PBLD: variants seen among roughly 807,000 people sequenced by gnomAD.
The protein encoded by PBLD is phenazine biosynthesis-like domain-containing protein.
A neutral mutation model predicts 31.3 loss-of-function variants in PBLD; 26 were observed. The ratio of observed to expected loss-of-function variants is 0.83; its 90% CI spans 0.61 to 1.15. PBLD has a LOEUF of 1.15. Ranked by LOEUF, PBLD falls within the 50% of genes most tolerant of loss-of-function variation. The pLI, the probability that PBLD is intolerant of heterozygous loss-of-function variation, is 0.00. For missense variants in PBLD, 307 were observed against 351.7 expected (o/e 0.87, Z 1.02); for synonymous variants, 114 against 129.0 (o/e 0.88, Z 0.79).
rs755499603 is a variant in PBLD at position 68,291,994 on chromosome 10, G to T, written c.423+16C>A. 1 of 1,575,876 alleles carries T rather than the reference G, an allele frequency of 6.3e-7. No individual in the cohort carries two copies. Among genetic ancestry groups the T allele is most frequent in the Non-Finnish European group, 8.7e-7 (1 of 1,145,480 alleles). On this transcript the variant is annotated intron_variant, in intron 6 of 9. Transcript: ENST00000358769. ...ATAACAAATAACTAGGCTCAGGTTT[G>T]ATTCTTTTTACCAACCTTTATCAAG...
chr10:68,287,300 A>AAAAC lies in PBLD; in HGVS notation c.691+1179_691+1182dup, dbSNP rs563362626. 1,418 of 152,316 alleles carry AAAAC rather than the reference A, an allele frequency of 9.3e-3. 13 individuals are homozygous for AAAAC. The highest frequency in any genetic ancestry group is 0.014 in the Non-Finnish European group (921 of 68,124). 9.4% of individuals were successfully genotyped at this position (152,316 alleles called of 1,614,324 possible). ...ATACTCTAGAAAAGCATTACGGGGA[A>AAAAC]AAACAAACAAACAAACAAACAAACA... On this transcript the variant is annotated intron_variant, in intron 8 of 9. Coordinates refer to ENST00000358769, the MANE Select transcript of PBLD (RefSeq NM_022129.4).
At chr10:68,327,019 T>G (rs1372199587) in intron 1 of PBLD, among the ~76,000 whole-genome samples, 1 of 151,654 alleles carries the variant, frequency 6.6e-6, no homozygotes, top group South Asian at 2.1e-4. Flanking sequence ...TGCACTCCAG[T>G]CTGGCGACAG....
chr10:68,296,220 A>C, intron 4 of PBLD, 46 bp downstream of exon 4: 2 of 1,436,260 alleles, frequency 1.4e-6, no homozygotes, highest in Non-Finnish European at 1.9e-6. Flanking sequence ...TAAAAAAAAA[A>C]AAGCCATTTG....
chr10:68,291,707 T>C (rs1221547706), intron 6 of PBLD, among the ~76,000 whole-genome samples: 1 of 152,164 alleles, frequency 6.6e-6, no homozygotes, highest in Admixed American at 6.5e-5. Context: ...GAAACTTACA[T>C]TTCCTTAAGA....
intron 8 of PBLD, among the ~76,000 whole-genome samples, chr10:68,285,922 C>T (rs2044281558): frequency 6.6e-6 from 1 of 151,944 alleles, no homozygotes; most frequent in Non-Finnish European, 1.5e-5. Context: ...CTCAAGAGAT[C>T]CACCTGCCTC....
chr10:68,286,869 G>A (rs2044294420), intron 8 of PBLD, among the ~76,000 whole-genome samples: 1 of 28,430 alleles, frequency 3.5e-5, no homozygotes. Context: ...GTTATGGGGT[G>A]GGCGTCCCAG....
At chr10:68,328,676 T>C (rs756241488) in intron 1 of PBLD, among the ~76,000 whole-genome samples, 2 of 152,184 alleles carry the variant, frequency 1.3e-5, no homozygotes, top group Non-Finnish European at 2.9e-5. Context: ...ACCATCTCTA[T>C]GGAAACAATT....
chr10:68,316,791 TTG>T, intron 1 of PBLD, among the ~76,000 whole-genome samples: 1 of 152,090 alleles, frequency 6.6e-6, no homozygotes, highest in African/African-American at 2.4e-5. Flanking sequence ...GGAGGGCAGA[TTG>T]CCTGAGCTCA....
chr10:68,300,831 G>A (rs1386530257), intron 2 of PBLD, among the ~76,000 whole-genome samples: 2 of 152,004 alleles, frequency 1.3e-5, no homozygotes, highest in South Asian at 2.1e-4. Context: ...ACAGAAAAGT[G>A]TGTGCAAAGA....
intron 1 of PBLD, among the ~76,000 whole-genome samples, chr10:68,323,980 A>G (rs187058930): frequency 3.3e-5 from 5 of 152,334 alleles, no homozygotes; most frequent in African/African-American, 1.2e-4. Flanking sequence ...TCACTCGGAC[A>G]GTACATGGCA....
chr10:68,294,289 T>G lies in PBLD; in HGVS notation c.283+1977A>C, dbSNP rs79771123. Among the ~76,000 whole-genome samples the G allele has an allele frequency of 2.1e-3, 326 of 152,216 alleles. 1 individual carries two copies. The highest frequency in any genetic ancestry group is 7.5e-3 in the African/African-American group (312 of 41,550). ...TTATCCTTTCGCCCAAAGTTCCCCT[T>G]CTCTGGTGGGTGCTGATCCATATTC... On this transcript the variant is annotated intron_variant, in intron 4 of 9. Transcript: ENST00000358769.
chr10:68,330,411 C>A (rs1281851623), intron 1 of PBLD, among the ~76,000 whole-genome samples: 1 of 152,210 alleles, frequency 6.6e-6, no homozygotes, highest in Admixed American at 6.5e-5. Flanking sequence ...GTCTGTACCA[C>A]AAAGTTGAAA....
At chr10:68,288,322 G>A in intron 8 of PBLD, 161 bp downstream of exon 8, 1 of 741,278 alleles carries the variant, frequency 1.3e-6, no homozygotes, top group South Asian at 2.0e-5. Context: ...GTTTTTCATG[G>A]AAGACTTCAG....
intron 1 of PBLD, among the ~76,000 whole-genome samples, chr10:68,324,840 T>C (rs1328746540): frequency 1.3e-5 from 2 of 149,540 alleles, no homozygotes; most frequent in Non-Finnish European, 3.0e-5. Flanking sequence ...GGTCTTGAAC[T>C]CCTGACCTCA....
intron 1 of PBLD, among the ~76,000 whole-genome samples, chr10:68,313,320 G>A (rs1200231303): frequency 1.3e-5 from 2 of 152,050 alleles, no homozygotes; most frequent in African/African-American, 2.4e-5. Context: ...TTCCTTTGCT[G>A]TACAGAAGCT....
chr10:68,289,127 G>T, intron 6 of PBLD, 108 bp from the exon 7 acceptor site: 2 of 795,148 alleles, frequency 2.5e-6, no homozygotes, highest in South Asian at 1.6e-5. Context: ...AGCCAAGCAT[G>T]CCCATCGTCT....
In PBLD at chr10:68,284,036, T is replaced by C. The variant is rs577012195; in HGVS notation, c.*141A>G. On this transcript the variant is annotated 3_prime_UTR_variant, in exon 10 of 10. Transcript: ENST00000358769. ...TGCTACGATTACAGGCATGAGCCAC[T>C]GCGCCTGGCCCATTTTTCGATTTTT... The C allele has an allele frequency of 1.1e-4, 75 of 713,112 alleles. No individual in the cohort carries two copies. In the South Asian group the frequency reaches 1.4e-3, roughly 13 times the overall value. The allele number at this position is 713,112 out of a possible 1,614,324, so 44.2% of individuals were successfully genotyped here.
intron 1 of PBLD, among the ~76,000 whole-genome samples, chr10:68,320,114 G>A (rs191732899): frequency 6.6e-6 from 1 of 152,078 alleles, no homozygotes; most frequent in Admixed American, 6.5e-5. Flanking sequence ...TGAGCCACTC[G>A]CCCGCCTAAG....
At chr10:68,314,500 C>T (rs1476480375) in intron 1 of PBLD, among the ~76,000 whole-genome samples, 2 of 152,158 alleles carry the variant, frequency 1.3e-5, no homozygotes, top group East Asian at 3.8e-4. Flanking sequence ...CTAGAAGGGA[C>T]AGGATGTGGT....
Sources: allele counts gnomAD v4.1 joint callset (sites outside exome capture counted in the v4.1 genomes callset), GRCh38; gene constraint gnomAD v4.1.1; transcripts MANE v1.5; gene names NCBI Gene and HGNC (gene_info 2026-07-23, HGNC 2026-07-21).